CDK5RAP2: variants seen among roughly 807,000 people sequenced by gnomAD.
The protein encoded by CDK5RAP2 is CDK5 regulatory subunit-associated protein 2.
Under a neutral mutation model 232.9 loss-of-function variants are expected in CDK5RAP2, and 147 were observed. The observed-to-expected ratio is 0.63, with a 90% confidence interval of 0.55 to 0.72. The LOEUF is 0.72. Ranked by LOEUF, CDK5RAP2 falls within the 30% of genes least tolerant of loss-of-function variation. The pLI, the probability that CDK5RAP2 is intolerant of heterozygous loss-of-function variation, is 0.00. For missense variants in CDK5RAP2, 2,195 were observed against 2,231.5 expected (o/e 0.98, Z 0.33); for synonymous variants, 833 against 833.7 (o/e 1.00, Z 0.01).
At chr9:120,444,524 G>T (rs1018285597) in intron 22 of CDK5RAP2, among the ~76,000 whole-genome samples, 2 of 152,234 alleles carry the variant, frequency 1.3e-5, no homozygotes, top group Non-Finnish European at 2.9e-5. Flanking sequence ...TTCACTGAAT[G>T]AATGAAAAGA....
intron 12 of CDK5RAP2, among the ~76,000 whole-genome samples, chr9:120,510,674 C>T (rs2040038119): frequency 6.6e-6 from 1 of 152,178 alleles, no homozygotes; most frequent in South Asian, 2.1e-4. Flanking sequence ...CAAGCAGCAT[C>T]CCTGTTACCA....
intron 26 of CDK5RAP2, 150 bp from the exon 27 acceptor site, chr9:120,420,110 A>G: frequency 1.4e-6 from 1 of 693,250 alleles, no homozygotes; most frequent in African/African-American, 1.8e-5. Flanking sequence ...TACAGCATTA[A>G]GCAATGACAT....
intron 25 of CDK5RAP2, among the ~76,000 whole-genome samples, chr9:120,430,135 T>G (rs2035189911): frequency 6.6e-6 from 1 of 152,032 alleles, no homozygotes; most frequent in Non-Finnish European, 1.5e-5. Flanking sequence ...GACTTAAATG[T>G]TAGACCTAAA....
chr9:120,569,162 A>C (rs2042756173), intron 2 of CDK5RAP2, among the ~76,000 whole-genome samples: 1 of 152,184 alleles, frequency 6.6e-6, no homozygotes, highest in African/African-American at 2.4e-5. Flanking sequence ...AGGCTGAATA[A>C]AGCCCGTGGC....
At chr9:120,409,524 C>T (rs2033713792) in intron 29 of CDK5RAP2, among the ~76,000 whole-genome samples, 1 of 152,236 alleles carries the variant, frequency 6.6e-6, no homozygotes, top group Non-Finnish European at 1.5e-5. Flanking sequence ...ATAAAATGGG[C>T]CTGTTTAATT....
At chr9:120,552,084 A>G (rs2042062546) in intron 3 of CDK5RAP2, among the ~76,000 whole-genome samples, 2 of 152,038 alleles carry the variant, frequency 1.3e-5, no homozygotes, top group South Asian at 4.2e-4. Flanking sequence ...CAAAAGACAC[A>G]TGAAAAAATG....
At chr9:120,498,744 G>T (rs1448867057) in intron 12 of CDK5RAP2, among the ~76,000 whole-genome samples, 1 of 150,136 alleles carries the variant, frequency 6.7e-6, no homozygotes, top group Non-Finnish European at 1.5e-5. Context: ...TATATCAACG[G>T]GTGTGGTGAC....
At chr9:120,457,814 AC>A (rs1456353689) in intron 20 of CDK5RAP2, among the ~76,000 whole-genome samples, 2 of 152,192 alleles carry the variant, frequency 1.3e-5, no homozygotes, top group African/African-American at 4.8e-5. Context: ...CATCACAGCA[AC>A]CCTAAGAAGT....
intron 5 of CDK5RAP2, among the ~76,000 whole-genome samples, chr9:120,542,712 C>T (rs1480983707): frequency 1.3e-5 from 2 of 152,202 alleles, no homozygotes; most frequent in Non-Finnish European, 2.9e-5. Context: ...CTTCCCTTTT[C>T]CTGGCCTATA....
At chr9:120,509,712 T>C (rs1235065548) in intron 12 of CDK5RAP2, among the ~76,000 whole-genome samples, 2 of 152,214 alleles carry the variant, frequency 1.3e-5, no homozygotes, top group East Asian at 3.8e-4. Context: ...ATGCTAAGTG[T>C]CACTCCCTCT....
At chr9:120,396,466 C>A (rs1325651206) in intron 35 of CDK5RAP2, among the ~76,000 whole-genome samples, 2 of 152,188 alleles carry the variant, frequency 1.3e-5, no homozygotes, top group African/African-American at 2.4e-5. Flanking sequence ...TCCAACTTGG[C>A]CTGGCTGACC....
chr9:120,447,275 A>G (rs965997178), intron 22 of CDK5RAP2, among the ~76,000 whole-genome samples: 2 of 152,090 alleles, frequency 1.3e-5, no homozygotes, highest in African/African-American at 4.8e-5. Context: ...CTTTCTTCAG[A>G]TTCTCAAAGG....
intron 15 of CDK5RAP2, among the ~76,000 whole-genome samples, chr9:120,475,776 G>T (rs1331313394): frequency 2.6e-5 from 4 of 152,156 alleles, no homozygotes; most frequent in Non-Finnish European, 4.4e-5. Flanking sequence ...AGATCAACAT[G>T]GCAGGGAGGG....
At chr9:120,470,351 A>T in intron 16 of CDK5RAP2, 131 bp from the exon 17 acceptor site, 1 of 601,838 alleles carries the variant, frequency 1.7e-6, no homozygotes, top group Non-Finnish European at 3.0e-6. Flanking sequence ...GGCGGAAGGG[A>T]GCATAGTACA....
At chr9:120,502,482 CTCCTTTTAATT>C (rs1323592236) in intron 12 of CDK5RAP2, among the ~76,000 whole-genome samples, 1 of 152,186 alleles carries the variant, frequency 6.6e-6, no homozygotes, top group African/African-American at 2.4e-5. Context: ...TTATTCCATG[CTCCTTTTAATT>C]TCCTTTTAAT....
intron 25 of CDK5RAP2, among the ~76,000 whole-genome samples, chr9:120,423,475 G>A (rs755952738): frequency 6.6e-6 from 1 of 152,112 alleles, no homozygotes; most frequent in African/African-American, 2.4e-5. Flanking sequence ...GTCTACAGCA[G>A]GGGAAATGAT....
chr9:120,405,594 G>A (rs1207027380), intron 32 of CDK5RAP2, among the ~76,000 whole-genome samples: 1 of 152,188 alleles, frequency 6.6e-6, no homozygotes, highest in Non-Finnish European at 1.5e-5. Flanking sequence ...AATGCCCAAT[G>A]CTGAGGTCAC....
At chr9:120,537,305 C>G (rs1446928984) in intron 6 of CDK5RAP2, among the ~76,000 whole-genome samples, 1 of 152,130 alleles carries the variant, frequency 6.6e-6, no homozygotes, top group Non-Finnish European at 1.5e-5. Context: ...AAAGAGCTAC[C>G]ATGAGTCTCT....
rs1439628219 is a variant in CDK5RAP2 at position 120,422,681 on chromosome 9, T to C, written c.4004+12A>G. 1.9e-6 allele frequency: 3 copies of C among 1,605,570 alleles called. No individual in the cohort carries two copies. In the Admixed American group the frequency reaches 5.0e-5, roughly 27 times the overall value. On this transcript the variant is annotated intron_variant, in intron 26 of 37. Transcript: ENST00000349780. ...TCCTGGGAAGTCTTCTTAACAAATG[T>C]TACACACTCACCTCTCCATCAGTTC...
Sources: gnomAD v4.1 joint callset for allele counts (sites outside exome capture counted in the v4.1 genomes callset) on GRCh38, gnomAD v4.1.1 for gene constraint, MANE v1.5 for transcripts, NCBI Gene and HGNC (gene_info 2026-07-23, HGNC 2026-07-21) for gene names.